The following SLC35F3 variants were observed in gnomAD, a reference collection of about 807,000 sequenced individuals.
SLC35F3 encodes putative thiamine transporter SLC35F3.
SLC35F3 carries 25 observed loss-of-function variants against 49.9 expected under a neutral mutation model. The ratio of observed to expected loss-of-function variants is 0.50; its 90% CI spans 0.37 to 0.70. The LOEUF is 0.70. SLC35F3 is among the 30% of genes least tolerant of loss of function. SLC35F3 has a pLI of 0.00. For missense variants in SLC35F3, 525 were observed against 639.8 expected (o/e 0.82, Z 1.94); for synonymous variants, 275 against 265.4 (o/e 1.04, Z -0.35).
chr1:233,918,279 C>G (rs1197033066), intron 2 of SLC35F3, among the ~76,000 whole-genome samples: 1 of 152,190 alleles, frequency 6.6e-6, no homozygotes, highest in Non-Finnish European at 1.5e-5. Context: ...AGGGAGGTAG[C>G]TTAGGCTGCC....
chr1:234,236,677 T>C (rs1667475081), intron 3 of SLC35F3, among the ~76,000 whole-genome samples: 1 of 151,894 alleles, frequency 6.6e-6, no homozygotes, highest in African/African-American at 2.4e-5. Flanking sequence ...TACACTATGC[T>C]GAGGAGTTTC....
intron 2 of SLC35F3, among the ~76,000 whole-genome samples, chr1:234,110,329 A>G (rs530780123): frequency 5.4e-4 from 82 of 152,334 alleles, no homozygotes; most frequent in South Asian, 3.1e-3. Context: ...GAATGTGTCA[A>G]TTGATGGAAG....
At chr1:234,076,686 C>T (rs1664796424) in intron 2 of SLC35F3, among the ~76,000 whole-genome samples, 1 of 152,054 alleles carries the variant, frequency 6.6e-6, no homozygotes, top group South Asian at 2.1e-4. Context: ...TTCTCGAACT[C>T]ATGACCTCAG....
chr1:234,152,430 A>C (rs1558243746), intron 2 of SLC35F3, among the ~76,000 whole-genome samples: 1 of 151,934 alleles, frequency 6.6e-6, no homozygotes, highest in Admixed American at 6.6e-5. Context: ...CCCTGTGTCC[A>C]TGTGTTCTCA....
intron 2 of SLC35F3, among the ~76,000 whole-genome samples, chr1:233,927,899 G>A (rs1240919858): frequency 1.3e-5 from 2 of 152,048 alleles, no homozygotes; most frequent in African/African-American, 2.4e-5. Context: ...AAGTAATGTA[G>A]TAGCTTTATT....
rs1661764815 is a variant in SLC35F3 at position 233,905,704 on chromosome 1, A to G, written c.229A>G (p.Ile77Val). The G allele has an allele frequency of 6.2e-7, 1 of 1,614,032 alleles. No homozygotes were observed. The highest frequency in any genetic ancestry group is 8.5e-7 in the Non-Finnish European group (1 of 1,180,026). ...GGGGCTCACGTCCATCGAGGAGCGG[A>G]TCCTGCGCATCACTGGCTACTATGG... ...PVGLTSIEER[I>V]LRITGYYGYQ... Residue 77 changes from isoleucine (I) to valine (V), a missense_variant, in exon 2 of 8, where the codon ATC becomes GTC. Ile to Val is a conservative substitution (Grantham distance 29). This residue lies in a region of SLC35F3 where 228 missense variants were observed against 218.9 expected (regional missense o/e 1.04). Coordinates refer to ENST00000366618, the MANE Select transcript of SLC35F3 (RefSeq NM_173508.4).
chr1:234,278,814 A>G (rs1668257575), intron 3 of SLC35F3, among the ~76,000 whole-genome samples: 1 of 152,146 alleles, frequency 6.6e-6, no homozygotes, highest in Non-Finnish European at 1.5e-5. Context: ...TTACCAGGCC[A>G]TTAATCCCAC....
chr1:234,283,258 A>G (rs1668358181), intron 3 of SLC35F3, among the ~76,000 whole-genome samples: 1 of 152,244 alleles, frequency 6.6e-6, no homozygotes, highest in African/African-American at 2.4e-5. Context: ...GCCAACGTGC[A>G]CATCAGCATA....
chr1:233,911,116 G>C (rs1382236676), intron 2 of SLC35F3, among the ~76,000 whole-genome samples: 2 of 152,198 alleles, frequency 1.3e-5, no homozygotes, highest in African/African-American at 4.8e-5. Flanking sequence ...GTTTGTATGA[G>C]GTGAGGGGGA....
intron 3 of SLC35F3, among the ~76,000 whole-genome samples, chr1:234,290,626 C>T (rs534430251): frequency 1.3e-5 from 2 of 152,238 alleles, no homozygotes; most frequent in Non-Finnish European, 2.9e-5. Flanking sequence ...TTCCGTCCCC[C>T]ACCCTGGATG....
Position 233,915,137 on chromosome 1 carries a change from A to G in SLC35F3, c.283+9379A>G, listed in dbSNP as rs572608464. On this transcript the variant is annotated intron_variant, in intron 2 of 7. Coordinates refer to ENST00000366618, the MANE Select transcript of SLC35F3 (RefSeq NM_173508.4). ...TGAGAAATGTTTTCTGTGACATTCAAATTTTCTCCTTGTCAATCTGCTATC... is the reference window on the plus strand; with the variant it reads ...TGAGAAATGTTTTCTGTGACATTCAGATTTTCTCCTTGTCAATCTGCTATC... Among the ~76,000 whole-genome samples the G allele has an allele frequency of 8.5e-5, 13 of 152,276 alleles. 1 individual carries two copies. In the South Asian group the frequency reaches 1.9e-3, roughly 22 times the overall value.
In SLC35F3 at chr1:234,314,463, A is replaced by G. The variant is rs866889380; in HGVS notation, c.829-2139A>G. On this transcript the variant is annotated intron_variant, in intron 4 of 7. Transcript: ENST00000366618. ...TGGAAAGGTAGCTCCAGGTAGCTCA[A>G]TAAAAGGTAGCTCCAGGCCGGGCAC... 7.9e-5 allele frequency among the ~76,000 whole-genome samples: 12 copies of G among 152,296 alleles called. No homozygotes were observed. In the South Asian group the frequency reaches 2.5e-3, roughly 32 times the overall value.
chr1:234,107,986 G>GTA (rs553908711), intron 2 of SLC35F3, among the ~76,000 whole-genome samples: 23 of 151,640 alleles, frequency 1.5e-4, no homozygotes, highest in African/African-American at 5.6e-4. Context: ...AGCTATGTCT[G>GTA]TAATTCTTTA....
chr1:234,323,222 C>G lies in SLC35F3; in HGVS notation c.1452C>G (p.Ala484=), dbSNP rs1327483657. The change falls in exon 8 of 8, where the codon GCC becomes GCG. Residue 484 remains alanine, a synonymous_variant. Coordinates refer to ENST00000366618, the MANE Select transcript of SLC35F3 (RefSeq NM_173508.4). The surrounding 1 kb of genome is among the most constrained non-coding windows in gnomAD (Gnocchi z 4.5). The stretch of plus-strand genomic sequence containing the variant: ...GACCTCAGAGCAAGAACAGAAGAGC[C>G]CGCCCTTCCTTCGCCCGCTAACACC... The part of the protein sequence containing the change: ...SSGPQSKNRR[A]RPSFAR 1 of 1,613,760 alleles carries G rather than the reference C, an allele frequency of 6.2e-7. No individual in the cohort carries two copies. The highest frequency in any genetic ancestry group is 1.3e-5 in the African/African-American group (1 of 74,836).
intron 2 of SLC35F3, among the ~76,000 whole-genome samples, chr1:234,157,234 T>C (rs1226265399): frequency 6.6e-6 from 1 of 152,216 alleles, no homozygotes; most frequent in African/African-American, 2.4e-5. Flanking sequence ...CAAGCCATCA[T>C]CATCTCATCC....
chr1:234,156,448 G>A (rs1385372825), intron 2 of SLC35F3, among the ~76,000 whole-genome samples: 1 of 152,134 alleles, frequency 6.6e-6, no homozygotes, highest in Non-Finnish European at 1.5e-5. Flanking sequence ...AAACGTTCAG[G>A]ATTAAAAGAC....
At chr1:234,151,983 C>G (rs1422248467) in intron 2 of SLC35F3, among the ~76,000 whole-genome samples, 1 of 141,474 alleles carries the variant, frequency 7.1e-6, no homozygotes, top group Non-Finnish European at 1.5e-5. Context: ...TTGTCACCTT[C>G]TCTCCCTTTT....
chr1:234,220,384 G>T (rs1024152517), intron 2 of SLC35F3, among the ~76,000 whole-genome samples: 3 of 152,124 alleles, frequency 2.0e-5, no homozygotes, highest in Non-Finnish European at 4.4e-5. Context: ...CTGCTGGAAA[G>T]TATCCAGTGG....
At chr1:234,246,363 T>C (rs1444152497) in intron 3 of SLC35F3, among the ~76,000 whole-genome samples, 1 of 152,112 alleles carries the variant, frequency 6.6e-6, no homozygotes, top group African/African-American at 2.4e-5. Flanking sequence ...CCTACCCAGG[T>C]TCCCCCAGAC....
Sources: gnomAD v4.1 joint callset for allele counts (sites outside exome capture counted in the v4.1 genomes callset) on GRCh38, gnomAD v4.1.1 for gene constraint, gnomAD v4.1.1 regional missense constraint, Gnocchi (gnomAD v3.1) non-coding constraint, MANE v1.5 for transcripts, NCBI Gene and HGNC (gene_info 2026-07-23, HGNC 2026-07-21) for gene names.